The following DIS3L2 variants were observed in gnomAD, a reference collection of about 807,000 sequenced individuals.
DIS3L2 encodes the protein DIS3-like exonuclease 2.
A neutral mutation model predicts 97.5 loss-of-function variants in DIS3L2; 34 were observed. The ratio of observed to expected loss-of-function variants is 0.35; its 90% CI spans 0.27 to 0.46. DIS3L2 has a LOEUF of 0.46. Among genes scored for constraint, DIS3L2 ranks in the 20% least tolerant of loss-of-function variants. The pLI, the probability that DIS3L2 is intolerant of heterozygous loss-of-function variation, is 1.00. For synonymous variants in DIS3L2, 435 were observed against 445.2 expected (o/e 0.98, Z 0.29); for missense variants, 1,038 against 1,146.0 (o/e 0.91, Z 1.36).
intron 13 of DIS3L2, among the ~76,000 whole-genome samples, chr2:232,263,726 C>T (rs1693783698): frequency 6.6e-6 from 1 of 152,146 alleles, no homozygotes; most frequent in South Asian, 2.1e-4. Flanking sequence ...CTGACCAAAA[C>T]CCCCAGCTGG....
At chr2:232,284,808 C>T (rs1300760126) in intron 13 of DIS3L2, among the ~76,000 whole-genome samples, 2 of 152,168 alleles carry the variant, frequency 1.3e-5, no homozygotes, top group Non-Finnish European at 2.9e-5. Context: ...CTCTAAGCTC[C>T]CTCAGTATTA....
intron 6 of DIS3L2, among the ~76,000 whole-genome samples, chr2:232,113,824 C>T (rs763870603): frequency 2.0e-5 from 3 of 152,178 alleles, no homozygotes; most frequent in Non-Finnish European, 2.9e-5. Flanking sequence ...TGCCTGAAGA[C>T]TAGATTGCCT....
intron 1 of DIS3L2, among the ~76,000 whole-genome samples, chr2:231,972,574 T>C (rs10195090): frequency 0.27 from 40,666 of 152,094 alleles, 8,837 homozygotes; most frequent in African/African-American, 0.61. Context: ...GATGGAATCT[T>C]GCTCTGTCAC....
intron 15 of DIS3L2, 104 bp from the exon 16 acceptor site, chr2:232,330,586 C>T: frequency 8.1e-7 from 1 of 1,231,482 alleles, no homozygotes; most frequent in Non-Finnish European, 1.2e-6. Flanking sequence ...ACAGGCAACT[C>T]CTCCCCCCAG....
intron 6 of DIS3L2, 57 bp from the exon 7 acceptor site, chr2:232,130,562 C>G: frequency 6.5e-7 from 1 of 1,547,984 alleles, no homozygotes; most frequent in Non-Finnish European, 8.7e-7. Flanking sequence ...TAAAATCCCA[C>G]TAATTGATAT....
intron 6 of DIS3L2, among the ~76,000 whole-genome samples, chr2:232,112,112 G>A (rs1697552804): frequency 2.0e-5 from 3 of 152,204 alleles, no homozygotes; most frequent in African/African-American, 7.2e-5. Context: ...AGGCTTTTGA[G>A]TTTCTGATGG....
intron 13 of DIS3L2, among the ~76,000 whole-genome samples, chr2:232,267,742 G>A (rs1358375358): frequency 6.6e-6 from 1 of 152,186 alleles, no homozygotes; most frequent in Non-Finnish European, 1.5e-5. Context: ...TTTGAGAGTA[G>A]GGGTCACAGA....
At chr2:232,133,020 GC>G (rs1456186656) in intron 7 of DIS3L2, among the ~76,000 whole-genome samples, 1 of 152,106 alleles carries the variant, frequency 6.6e-6, no homozygotes, top group African/African-American at 2.4e-5. Flanking sequence ...CAGCTGGGTG[GC>G]ATTAGCAAGG....
intron 1 of DIS3L2, among the ~76,000 whole-genome samples, chr2:231,986,899 T>G (rs1462682341): frequency 6.6e-6 from 1 of 152,220 alleles, no homozygotes; most frequent in African/African-American, 2.4e-5. Context: ...AAACAAGTAT[T>G]TAATTTGTTT....
At chr2:232,221,600 T>TA (rs1559161718) in intron 10 of DIS3L2, among the ~76,000 whole-genome samples, 1 of 152,150 alleles carries the variant, frequency 6.6e-6, no homozygotes, top group Non-Finnish European at 1.5e-5. Flanking sequence ...GGTCAGGAGT[T>TA]AGAGACCAGC....
At chr2:232,290,420 T>C (rs1694569738) in intron 13 of DIS3L2, among the ~76,000 whole-genome samples, 1 of 152,292 alleles carries the variant, frequency 6.6e-6, no homozygotes, top group South Asian at 2.1e-4. Context: ...CACCCAGTAA[T>C]ACAGGTCGTG....
chr2:232,269,259 C>G lies in DIS3L2; in HGVS notation c.1659+5819C>G, dbSNP rs1051203976. On this transcript the variant is annotated intron_variant, in intron 13 of 20. Coordinates refer to ENST00000325385, the MANE Select transcript of DIS3L2 (RefSeq NM_152383.5). This position sits in a 1 kb window ranked among gnomAD's most constrained non-coding sequence, Gnocchi z 4.5. ...TTGAATCTGTTTCTGTTCCTTCTCT[C>G]CAATACAGTCGCTTTCAAGAAATGA... 7.2e-5 allele frequency among the ~76,000 whole-genome samples: 11 copies of G among 152,198 alleles called. No individual in the cohort carries two copies. Among genetic ancestry groups the G allele is most frequent in the African/African-American group, 2.7e-4 (11 of 41,446 alleles).
intron 6 of DIS3L2, among the ~76,000 whole-genome samples, chr2:232,089,019 A>AGGAT (rs1696752918): frequency 6.6e-6 from 1 of 152,188 alleles, no homozygotes; most frequent in Admixed American, 6.5e-5. Context: ...TTTCTAAAGG[A>AGGAT]GGATGTTCAG....
intron 10 of DIS3L2, among the ~76,000 whole-genome samples, chr2:232,235,956 C>T (rs1320447964): frequency 6.6e-6 from 1 of 152,198 alleles, no homozygotes; most frequent in East Asian, 1.9e-4. Context: ...TGGTTCCTCT[C>T]AGCTTTCCAG....
chr2:232,114,869 A>G (rs1697653207), intron 6 of DIS3L2, among the ~76,000 whole-genome samples: 1 of 152,156 alleles, frequency 6.6e-6, no homozygotes, highest in Non-Finnish European at 1.5e-5. Flanking sequence ...ATGAAAAGGA[A>G]TTTATTTCTT....
At chr2:232,339,005 C>T (rs1575032079), downstream of DIS3L2, among the ~76,000 whole-genome samples, 1 of 152,288 alleles carries the variant, frequency 6.6e-6, no homozygotes, top group African/African-American at 2.4e-5. Flanking sequence ...CAGGGCCTGG[C>T]GATGCTCAGA....
intron 9 of DIS3L2, among the ~76,000 whole-genome samples, chr2:232,186,391 A>C (rs903478555): frequency 6.6e-6 from 1 of 152,264 alleles, no homozygotes; most frequent in African/African-American, 2.4e-5. Context: ...CAAAACTATT[A>C]AAAATATTGA....
At chr2:232,326,309 G>A (rs56003348) in intron 14 of DIS3L2, among the ~76,000 whole-genome samples, 11,559 of 140,348 alleles carry the variant, frequency 0.082, 930 homozygotes, top group East Asian at 0.48. Flanking sequence ...ACCCTGCACC[G>A]TCCAGCTCAG....
chr2:232,249,293 A>C lies in DIS3L2; in HGVS notation c.1372A>C (p.Met458Leu), dbSNP rs1355288992. The C allele has an allele frequency of 1.2e-6, 2 of 1,614,138 alleles. No homozygotes were observed. The highest frequency in any genetic ancestry group is 1.7e-6 in the Non-Finnish European group (2 of 1,179,998). Residue 458 changes from methionine (M) to leucine (L), a missense_variant, in exon 12 of 21, where the codon ATG becomes CTG. By Grantham distance (15) the Met-to-Leu change is conservative (BLOSUM62 2). Coordinates refer to ENST00000325385, the MANE Select transcript of DIS3L2 (RefSeq NM_152383.5). ...TGAGGAGCTGTGCAGCCTCAACCCC[A>C]TGTCCGACAAGCTGACCTTCTCTGT... The part of the protein sequence containing the change: ...LCEELCSLNP[M>L]SDKLTFSVIW...
Sources: gnomAD v4.1 joint callset for allele counts (sites outside exome capture counted in the v4.1 genomes callset) on GRCh38, gnomAD v4.1.1 for gene constraint, Gnocchi (gnomAD v3.1) non-coding constraint, MANE v1.5 for transcripts, NCBI Gene and HGNC (gene_info 2026-07-23, HGNC 2026-07-21) for gene names.